Variants in RHEB observed in about 807,000 individuals in gnomAD.
RHEB encodes the protein GTP-binding protein Rheb.
Under a neutral mutation model 28.8 loss-of-function variants are expected in RHEB, and 2 were observed. The observed-to-expected ratio is 0.07, with a 90% CI of 0.03 to 0.22. The LOEUF (loss-of-function observed/expected upper bound fraction) is 0.22, where lower values mean the gene tolerates loss of function less well. Among genes scored for constraint, RHEB ranks in the 10% least tolerant of loss-of-function variants. The pLI is 1.00. For synonymous variants in RHEB, 69 were observed against 77.3 expected (o/e 0.89, Z 0.56); for missense variants, 76 against 219.9 (o/e 0.35, Z 4.14).
intron 4 of RHEB, among the ~76,000 whole-genome samples, chr7:151,476,019 C>T (rs532304258): frequency 6.6e-6 from 1 of 152,220 alleles, no homozygotes; most frequent in South Asian, 2.1e-4. Context: ...TTCTATTTTT[C>T]ACAGTTCCTC....
At chr7:151,474,154 T>G (rs1485306069) in intron 4 of RHEB, among the ~76,000 whole-genome samples, 6 of 149,928 alleles carry the variant, frequency 4.0e-5, no homozygotes. Flanking sequence ...ACCTTTCCGA[T>G]TTTTTTTCCC....
At chr7:151,476,344 C>T (rs143864325) in intron 4 of RHEB, among the ~76,000 whole-genome samples, 82 of 152,262 alleles carry the variant, frequency 5.4e-4, no homozygotes, top group African/African-American at 1.9e-3. Flanking sequence ...CTACTGTAAC[C>T]GAGGGAGGCT....
chr7:151,467,585 A>G (rs528803429), intron 7 of RHEB, among the ~76,000 whole-genome samples: 64 of 151,816 alleles, frequency 4.2e-4, no homozygotes, highest in African/African-American at 1.5e-3. Flanking sequence ...CTCCTTTCCT[A>G]CGGGACATAC....
chr7:151,519,581 G>A lies in RHEB; in HGVS notation c.-70C>T, dbSNP rs1584873269. 14 of 1,424,140 alleles carry A rather than the reference G, an allele frequency of 9.8e-6. No individual in the cohort carries two copies. Among genetic ancestry groups the A allele is most frequent in the Middle Eastern group, 2.5e-4 (1 of 3,922 alleles). 88.2% of individuals were successfully genotyped at this position (1,424,140 alleles called of 1,614,324 possible). On this transcript the variant is annotated 5_prime_UTR_variant, in exon 1 of 8. Transcript: ENST00000262187. ...GGCGGTGGCTCCTGCTGCTGTGATC[G>A]GCGGCGGCCGCGCCGGGAGAGAGCG... is the stretch of plus-strand genomic sequence containing the variant.
intron 1 of RHEB, chr7:151,502,528 A>C (rs1286488968): frequency 9.9e-7 from 1 of 1,010,036 alleles, no homozygotes; most frequent in Non-Finnish European, 1.6e-6. Flanking sequence ...TTGACTTTGA[A>C]TCTTTCAAAC....
At chr7:151,471,279 C>T (rs1802157247) in intron 6 of RHEB, 115 bp downstream of exon 6, 2 of 766,512 alleles carry the variant, frequency 2.6e-6, no homozygotes, top group East Asian at 2.4e-5. Context: ...GACCATAACA[C>T]CTCTGAACGG....
intron 3 of RHEB, among the ~76,000 whole-genome samples, chr7:151,483,256 T>G (rs1261788535): frequency 6.6e-6 from 1 of 152,198 alleles, no homozygotes; most frequent in East Asian, 1.9e-4. Context: ...CTTCTATGTT[T>G]ACTTCAAAAT....
At chr7:151,518,646 G>A (rs1483410181) in intron 1 of RHEB, among the ~76,000 whole-genome samples, 3 of 152,094 alleles carry the variant, frequency 2.0e-5, no homozygotes, top group Non-Finnish European at 4.4e-5. Context: ...ACCTTATTCA[G>A]CAATAAGGCG....
chr7:151,517,249 T>C (rs1486578645), intron 1 of RHEB, among the ~76,000 whole-genome samples: 1 of 151,660 alleles, frequency 6.6e-6, no homozygotes, highest in Non-Finnish European at 1.5e-5. Context: ...ACGCCTGTAG[T>C]GCCAGCTACT....
At chr7:151,500,585 G>C (rs116515414) in intron 1 of RHEB, among the ~76,000 whole-genome samples, 2,915 of 152,250 alleles carry the variant, frequency 0.019, 82 homozygotes, top group African/African-American at 0.066. Flanking sequence ...GTAGCTCATG[G>C]CTGTAATCTC....
rs950303470 is a variant in RHEB, at chr7:151,514,950, G to A, written c.52+4510C>T. ...GCTACTCGGGAAGCTGAGGCAGGAG[G>A]ATCACTTGAGTCCAGGAGGTTGACA... On this transcript the variant is annotated intron_variant, in intron 1 of 7. Coordinates refer to ENST00000262187, the MANE Select transcript of RHEB (RefSeq NM_005614.4). Among the ~76,000 whole-genome samples the A allele has an allele frequency of 5.3e-5, 8 of 151,970 alleles. No homozygotes were observed. In the South Asian group the frequency reaches 1.7e-3, roughly 32 times the overall value.
In RHEB at chr7:151,503,357, T is replaced by C. The variant is rs546683831; in HGVS notation, c.53-12343A>G. 1.2e-4 allele frequency: 108 copies of C among 927,382 alleles called. No homozygotes were observed. The African/African-American group carries it at 1.5e-3, about 13-fold the overall frequency. 57.4% of individuals were successfully genotyped at this position (927,382 alleles called of 1,614,324 possible). The stretch of plus-strand genomic sequence containing the variant: ...GATAAAATGCAAGACGGGTCTCGGT[T>C]TGTGAAAGGATTTGGTGGAATTGGA... On this transcript the variant is annotated intron_variant, in intron 1 of 7. Transcript: ENST00000262187.
At chr7:151,502,496 G>A (rs978819273) in intron 1 of RHEB, 2 of 911,800 alleles carry the variant, frequency 2.2e-6, no homozygotes, top group Non-Finnish European at 3.7e-6. Context: ...AACAGAAGAA[G>A]GAAAGGAAAA....
chr7:151,505,578 T>C (rs987951466), intron 1 of RHEB, among the ~76,000 whole-genome samples: 8 of 152,238 alleles, frequency 5.3e-5, no homozygotes, highest in Admixed American at 1.3e-4. Flanking sequence ...CAAAATGTTT[T>C]GGAAAAACAG....
At chr7:151,486,808 G>C (rs896209583) in intron 2 of RHEB, among the ~76,000 whole-genome samples, 4 of 152,208 alleles carry the variant, frequency 2.6e-5, no homozygotes, top group Non-Finnish European at 2.9e-5. Flanking sequence ...AAATATTTCA[G>C]AGGCAGAACC....
intron 2 of RHEB, among the ~76,000 whole-genome samples, chr7:151,488,177 A>G (rs537677837): frequency 6.6e-6 from 1 of 152,370 alleles, no homozygotes; most frequent in Non-Finnish European, 1.5e-5. Flanking sequence ...TTGAGTTGTT[A>G]GATTAACACT....
intron 1 of RHEB, among the ~76,000 whole-genome samples, chr7:151,493,102 A>G (rs773612993): frequency 2.0e-5 from 3 of 151,948 alleles, no homozygotes; most frequent in Non-Finnish European, 4.4e-5. Flanking sequence ...CGGCCTCCCA[A>G]AGTGCTGGGA....
chr7:151,477,368 G>C lies in RHEB; in HGVS notation c.240C>G (p.Gly80=). The C allele has an allele frequency of 6.3e-7, 1 of 1,587,436 alleles. No individual in the cohort carries two copies. The highest frequency in any genetic ancestry group is 8.6e-7 in the Non-Finnish European group (1 of 1,162,026). The change falls in exon 4 of 8, where the codon GGC becomes GGG. Residue 80 remains glycine, a synonymous_variant. Transcript: ENST00000262187. Reference sequence around the variant, plus strand: ...ATGTAACAGAATACACAAGAATATAGCCATTAATATCTATGGAGTATGTCT... The same window carrying C: ...ATGTAACAGAATACACAAGAATATACCCATTAATATCTATGGAGTATGTCT... ...FPQTYSIDIN[G]YILVYSVTSI... is the part of the protein sequence containing the mutation.
Position 151,480,686 on chromosome 7 carries a change from A to T in RHEB, c.193-3271T>A, listed in dbSNP as rs34884355. Among the ~76,000 whole-genome samples the T allele has an allele frequency of 4.5e-3, 266 of 59,414 alleles. 10 individuals are homozygous for T. Among genetic ancestry groups the T allele is most frequent in the Non-Finnish European group, 9.2e-3 (154 of 16,710 alleles). 39.0% of individuals were successfully genotyped at this position (59,414 alleles called of 152,430 possible). On this transcript the variant is annotated intron_variant, in intron 3 of 7. Transcript: ENST00000262187. ...GAATCAATTTTAATTATTATTAATTATTATTTTTTTTTTTTGAGACAGAGT... is the reference window on the plus strand; with the variant it reads ...GAATCAATTTTAATTATTATTAATTTTTATTTTTTTTTTTTGAGACAGAGT...
Sources: allele counts gnomAD v4.1 joint callset (sites outside exome capture counted in the v4.1 genomes callset), GRCh38; gene constraint gnomAD v4.1.1; transcripts MANE v1.5; gene names NCBI Gene and HGNC (gene_info 2026-07-23, HGNC 2026-07-21).